CSMD1: variants seen among roughly 807,000 people sequenced by gnomAD.
The protein encoded by CSMD1 is CUB and Sushi multiple domains 1, also known as CUB and sushi domain-containing protein 1.
CSMD1 carries 213 observed loss-of-function variants against 417.5 expected under a neutral mutation model. The observed-to-expected ratio is 0.51, with a 90% CI of 0.46 to 0.57. The LOEUF is 0.57. Among genes scored for constraint, CSMD1 ranks in the 20% least tolerant of loss-of-function variants. The pLI is 0.00. For synonymous variants in CSMD1, 2,862 were observed against 1,736.8 expected (o/e 1.65, Z -16.11); for missense variants, 6,923 against 4,529.7 (o/e 1.53, Z -15.17).
At chr8:4,916,662 G>C (rs1043381177) in intron 1 of CSMD1, among the ~76,000 whole-genome samples, 1 of 152,190 alleles carries the variant, frequency 6.6e-6, no homozygotes, top group Admixed American at 6.5e-5. Flanking sequence ...TACACAAAGA[G>C]TCTAGGCATT....
intron 1 of CSMD1, among the ~76,000 whole-genome samples, chr8:4,707,432 GA>G (rs1808011183): frequency 6.6e-6 from 1 of 152,190 alleles, no homozygotes; most frequent in African/African-American, 2.4e-5. Flanking sequence ...CATAGTGCAG[GA>G]ATGCTGATGG....
intron 7 of CSMD1, among the ~76,000 whole-genome samples, chr8:3,681,460 T>C (rs1243570365): frequency 6.6e-6 from 1 of 152,016 alleles, no homozygotes; most frequent in East Asian, 1.9e-4. Flanking sequence ...GAGAATAAAA[T>C]ACCTAGGAAT....
chr8:4,484,707 C>G (rs1418985986), intron 2 of CSMD1, among the ~76,000 whole-genome samples: 1 of 152,008 alleles, frequency 6.6e-6, no homozygotes, highest in Non-Finnish European at 1.5e-5. Context: ...CGATGGCTCA[C>G]GCCTGTAATC....
chr8:4,632,117 C>G (rs1240745421), intron 2 of CSMD1, among the ~76,000 whole-genome samples: 1 of 152,186 alleles, frequency 6.6e-6, no homozygotes, highest in Admixed American at 6.5e-5. Flanking sequence ...GGATGGTTGA[C>G]TCACATTCAT....
intron 1 of CSMD1, among the ~76,000 whole-genome samples, chr8:4,969,621 G>T (rs915855443): frequency 6.6e-6 from 1 of 151,804 alleles, no homozygotes; most frequent in Non-Finnish European, 1.5e-5. Flanking sequence ...TACACATAGG[G>T]CTGTGCTTTT....
At chr8:3,854,136 A>G (rs1164291062) in intron 5 of CSMD1, among the ~76,000 whole-genome samples, 1 of 137,738 alleles carries the variant, frequency 7.3e-6, no homozygotes, top group Non-Finnish European at 1.5e-5. Flanking sequence ...ATATATATAA[A>G]CTCTATTAAA....
chr8:3,463,473 C>T (rs1416415397), intron 12 of CSMD1, among the ~76,000 whole-genome samples: 2 of 152,180 alleles, frequency 1.3e-5, no homozygotes, highest in African/African-American at 2.4e-5. Context: ...TTATTTGAAG[C>T]CACGTCCTGC....
chr8:3,961,536 G>A lies in CSMD1; in HGVS notation c.818+36367C>T, dbSNP rs538059987. 2.6e-5 allele frequency among the ~76,000 whole-genome samples: 4 copies of A among 152,230 alleles called. No homozygotes were observed. In the East Asian group the frequency reaches 5.8e-4, roughly 22 times the overall value. ...TGTTCTTGCTTTGTGAAGACAATAG[G>A]AAATCTATCCTAGGCAGAAATTTCC... On this transcript the variant is annotated intron_variant, in intron 5 of 69. Transcript: ENST00000635120.
At chr8:3,627,413 C>A (rs184511956) in intron 7 of CSMD1, among the ~76,000 whole-genome samples, 5 of 152,122 alleles carry the variant, frequency 3.3e-5, no homozygotes, top group Admixed American at 1.3e-4. Context: ...CATATCACCT[C>A]GAGTCCTGAA....
Sources: gnomAD v4.1 joint callset for allele counts (sites outside exome capture counted in the v4.1 genomes callset) on GRCh38, gnomAD v4.1.1 for gene constraint, MANE v1.5 for transcripts, NCBI Gene and HGNC (gene_info 2026-07-23, HGNC 2026-07-21) for gene names.